Variants in ACYP2 observed in about 807,000 individuals in gnomAD.
ACYP2 encodes the protein acylphosphatase 2, also known as acylphosphatase-2.
In ACYP2, 12 loss-of-function variants were observed where a neutral mutation model predicts 11.2. The observed-to-expected ratio is 1.08, with a 90% CI of 0.69 to 1.74. ACYP2 has a LOEUF of 1.74. ACYP2 is among the 40% of genes most tolerant of loss of function. The pLI is 0.00. For missense variants in ACYP2, 134 were observed against 101.9 expected (o/e 1.31, Z -1.35); for synonymous variants, 43 against 32.2 (o/e 1.33, Z -1.13).
At chr2:54,029,535 G>T in intron 2 of ACYP2, 1 of 399,864 alleles carries the variant, frequency 2.5e-6, no homozygotes, top group South Asian at 2.1e-5. Context: ...CCTTCCCATT[G>T]GTTCTCTCAC....
chr2:53,981,924 G>A (rs373275449), intron 2 of ACYP2, among the ~76,000 whole-genome samples: 48 of 152,052 alleles, frequency 3.2e-4, no homozygotes, highest in African/African-American at 9.4e-4. Context: ...TTATTAAAAC[G>A]TTTATTTGAT....
intron 3 of ACYP2, among the ~76,000 whole-genome samples, chr2:54,052,188 C>A (rs1675904391): frequency 6.6e-6 from 1 of 151,870 alleles, no homozygotes; most frequent in African/African-American, 2.4e-5. Flanking sequence ...TTTTTCTTAT[C>A]TATAAAGCAT....
At chr2:54,124,614 C>T (rs1355581906) in intron 4 of ACYP2, among the ~76,000 whole-genome samples, 1 of 152,170 alleles carries the variant, frequency 6.6e-6, no homozygotes, top group African/African-American at 2.4e-5. Flanking sequence ...ATGAATTTAA[C>T]CAAAAATTGT....
chr2:54,091,336 T>TGGAAAAAAGATG (rs1022310774), intron 4 of ACYP2, among the ~76,000 whole-genome samples: 2 of 152,044 alleles, frequency 1.3e-5, no homozygotes, highest in Non-Finnish European at 2.9e-5. Flanking sequence ...CTTTCTAACA[T>TGGAAAAAAGATG]GGAAAAAAGA....
chr2:54,050,386 G>A (rs896329304), intron 2 of ACYP2, among the ~76,000 whole-genome samples: 1 of 151,564 alleles, frequency 6.6e-6, no homozygotes, highest in Non-Finnish European at 1.5e-5. Context: ...CCCATCTCTA[G>A]AAGTCATTAA....
intron 2 of ACYP2, among the ~76,000 whole-genome samples, chr2:54,017,158 G>T (rs1001648014): frequency 6.6e-6 from 1 of 152,100 alleles, no homozygotes; most frequent in Non-Finnish European, 1.5e-5. Context: ...AAGCCCTTCT[G>T]TAAGGGCCCT....
chr2:54,056,513 G>T (rs1676161410), intron 3 of ACYP2, among the ~76,000 whole-genome samples: 1 of 152,150 alleles, frequency 6.6e-6, no homozygotes, highest in African/African-American at 2.4e-5. Flanking sequence ...AGAATGTGCA[G>T]TTGAATTCTA....
chr2:53,995,819 G>T (rs746585638), intron 2 of ACYP2, among the ~76,000 whole-genome samples: 1 of 151,910 alleles, frequency 6.6e-6, no homozygotes, highest in Admixed American at 6.6e-5. Context: ...TTTCCAAAGC[G>T]TTTTTATATT....
At chr2:54,282,443 T>C (rs917778939) in intron 6 of ACYP2, among the ~76,000 whole-genome samples, 6 of 152,220 alleles carry the variant, frequency 3.9e-5, no homozygotes, top group African/African-American at 1.4e-4. Context: ...ATGGCCCTTG[T>C]GGTCATATGT....
intron 4 of ACYP2, among the ~76,000 whole-genome samples, chr2:54,134,036 G>A (rs939432817): frequency 9.2e-5 from 14 of 152,258 alleles, no homozygotes; most frequent in Middle Eastern, 3.4e-3. Context: ...CAAGACCAAT[G>A]ATACTTCCCA....
At chr2:54,001,054 T>C (rs1573486883) in intron 2 of ACYP2, among the ~76,000 whole-genome samples, 1 of 152,290 alleles carries the variant, frequency 6.6e-6, no homozygotes, top group African/African-American at 2.4e-5. Context: ...CGGATGCTTA[T>C]TAAAAATTTT....
chr2:54,196,745 A>T (rs973735236), intron 6 of ACYP2, among the ~76,000 whole-genome samples: 1 of 129,896 alleles, frequency 7.7e-6, no homozygotes, highest in Non-Finnish European at 1.6e-5. Flanking sequence ...ATTTGTCTCC[A>T]TATATTGGTC....
intron 4 of ACYP2, among the ~76,000 whole-genome samples, chr2:54,112,123 C>A (rs1369573827): frequency 1.3e-5 from 2 of 152,046 alleles, no homozygotes; most frequent in Non-Finnish European, 2.9e-5. Flanking sequence ...GATTCTGGTG[C>A]CTGGTCATCT....
rs551352099 is a variant in ACYP2, at chr2:54,206,513, A to G, written c.404+67765A>G. 2.0e-5 allele frequency among the ~76,000 whole-genome samples: 3 copies of G among 152,364 alleles called. 1 individual carries two copies. The highest frequency in any genetic ancestry group is 7.2e-5 in the African/African-American group (3 of 41,580). The stretch of plus-strand genomic sequence containing the variant: ...TTTGCTAAAGGTCTAATTAGAAACG[A>G]TATCTCTATTGTGTTTGATTCAGAA... On this transcript the variant is annotated intron_variant, in intron 6 of 6. Transcript: ENST00000607452.
chr2:54,053,357 A>G (rs1390280417), intron 3 of ACYP2, among the ~76,000 whole-genome samples: 1 of 152,184 alleles, frequency 6.6e-6, no homozygotes, highest in Non-Finnish European at 1.5e-5. Flanking sequence ...TCATATGCAG[A>G]GGTGCACTCG....
chr2:54,224,391 C>T (rs1332763552), intron 6 of ACYP2, among the ~76,000 whole-genome samples: 2 of 152,206 alleles, frequency 1.3e-5, no homozygotes, highest in African/African-American at 4.8e-5. Context: ...GGGGGTTGTC[C>T]CCCTACCCAA....
chr2:54,153,753 C>A (rs937472607), intron 6 of ACYP2, among the ~76,000 whole-genome samples: 1 of 151,830 alleles, frequency 6.6e-6, no homozygotes, highest in Admixed American at 6.6e-5. Flanking sequence ...GTGCCTGCCA[C>A]CACACCCGGC....
intron 6 of ACYP2, among the ~76,000 whole-genome samples, chr2:54,259,441 G>C (rs1360525850): frequency 6.6e-6 from 1 of 152,172 alleles, no homozygotes; most frequent in Non-Finnish European, 1.5e-5. Context: ...TCAAGAAAAA[G>C]AGGAAAAACA....
intron 6 of ACYP2, among the ~76,000 whole-genome samples, chr2:54,274,515 C>T (rs1688459574): frequency 6.6e-6 from 1 of 151,022 alleles, no homozygotes; most frequent in Non-Finnish European, 1.5e-5. Flanking sequence ...GTGGTGCACA[C>T]CTGTGGTCCC....
Sources: gnomAD v4.1 joint callset for allele counts (sites outside exome capture counted in the v4.1 genomes callset) on GRCh38, gnomAD v4.1.1 for gene constraint, MANE v1.5 for transcripts, NCBI Gene and HGNC (gene_info 2026-07-23, HGNC 2026-07-21) for gene names.